AMBRA1: variants seen among roughly 807,000 people sequenced by gnomAD.
The protein encoded by AMBRA1 is activating molecule in BECN1-regulated autophagy protein 1.
A neutral mutation model predicts 125.4 loss-of-function variants in AMBRA1; 47 were observed. The ratio of observed to expected loss-of-function variants is 0.37; its 90% CI spans 0.30 to 0.48. The LOEUF is 0.48. Among genes scored for constraint, AMBRA1 ranks in the 20% least tolerant of loss-of-function variants. The pLI, the probability that AMBRA1 is intolerant of heterozygous loss-of-function variation, is 0.99. For missense variants in AMBRA1, 1,331 were observed against 1,693.4 expected, an observed-to-expected ratio of 0.79 and a Z score of 3.76; for synonymous variants, 626 against 655.5, an observed-to-expected ratio of 0.95 and a Z score of 0.69.
intron 17 of AMBRA1, 48 bp downstream of exon 17, chr11:46,408,465 G>C (rs191837315): frequency 5.6e-6 from 8 of 1,418,040 alleles, no homozygotes; most frequent in Non-Finnish European, 7.4e-6. Flanking sequence ...GCACTCACTC[G>C]GTCTTAGGGT....
chr11:46,456,558 GAA>G (rs1431429736), intron 11 of AMBRA1, among the ~76,000 whole-genome samples: 1 of 152,178 alleles, frequency 6.6e-6, no homozygotes, highest in Non-Finnish European at 1.5e-5. Context: ...AGGTGAGAGA[GAA>G]AGAAAAAGAG....
intron 1 of AMBRA1, among the ~76,000 whole-genome samples, chr11:46,573,275 C>T (rs528665417): frequency 1.8e-4 from 27 of 151,398 alleles, no homozygotes; most frequent in African/African-American, 5.8e-4. Flanking sequence ...TGTGGTGGCA[C>T]GCACCTGTAA....
At chr11:46,593,705 T>C (rs925979403) in intron 1 of AMBRA1, 123 bp downstream of exon 1, 14 of 371,414 alleles carry the variant, frequency 3.8e-5, no homozygotes, top group Non-Finnish European at 6.7e-5. Context: ...CGCAGTCCGG[T>C]AGCCCCTCCT....
rs1385982180 is a variant in AMBRA1, at chr11:46,433,636, C to G, written c.2822-8G>C. The G allele has an allele frequency of 6.2e-7, 1 of 1,610,420 alleles. No individual in the cohort carries two copies. Among genetic ancestry groups the G allele is most frequent in the Non-Finnish European group, 8.5e-7 (1 of 1,177,178 alleles). On this transcript the variant is annotated splice_region_variant and splice_polypyrimidine_tract_variant and intron_variant, in intron 13 of 17. Coordinates refer to ENST00000683756, the MANE Select transcript of AMBRA1 (RefSeq NM_001387011.1). ...CCGAAATGGCATTGGGACCTGAGGG[C>G]CAACAAAACAGAGAAATATTTCCTA...
chr11:46,493,101 C>A (rs910593058), intron 11 of AMBRA1, among the ~76,000 whole-genome samples: 6 of 152,132 alleles, frequency 3.9e-5, no homozygotes, highest in Non-Finnish European at 8.8e-5. Context: ...GCTTGCCTAG[C>A]CCATTTTCTG....
intron 1 of AMBRA1, among the ~76,000 whole-genome samples, chr11:46,572,029 G>A (rs1030214780): frequency 1.3e-5 from 2 of 152,108 alleles, no homozygotes; most frequent in African/African-American, 2.4e-5. Flanking sequence ...ACAGCCAGGC[G>A]TGGTAGCTCA....
chr11:46,418,069 A>T lies in AMBRA1; in HGVS notation c.2977-17T>A, dbSNP rs1434894315. 1 of 1,533,918 alleles carries T rather than the reference A, an allele frequency of 6.5e-7. No individual in the cohort carries two copies. The highest frequency in any genetic ancestry group is 1.8e-5 in the Admixed American group (1 of 56,686). On this transcript the variant is annotated splice_polypyrimidine_tract_variant and intron_variant, in intron 14 of 17. Transcript: ENST00000683756. ...GAAAACTCTCTAGGTAGAGGAAAAGAGGGAAAAAAAGAGAATGGGAGGAGA... is the reference window on the plus strand; with the variant it reads ...GAAAACTCTCTAGGTAGAGGAAAAGTGGGAAAAAAAGAGAATGGGAGGAGA...
At chr11:46,413,055 T>G (rs1946370383) in intron 15 of AMBRA1, among the ~76,000 whole-genome samples, 2 of 152,204 alleles carry the variant, frequency 1.3e-5, no homozygotes, top group African/African-American at 2.4e-5. Context: ...CAACAAACCA[T>G]GTACTTCCTG....
At chr11:46,545,187 T>G (rs902572028) in intron 5 of AMBRA1, among the ~76,000 whole-genome samples, 33 of 97,368 alleles carry the variant, frequency 3.4e-4, no homozygotes, top group Admixed American at 5.0e-4. Flanking sequence ...GTGGTGGGCA[T>G]GGTGGCTCAT....
At chr11:46,465,385 T>A (rs1216588100) in intron 11 of AMBRA1, among the ~76,000 whole-genome samples, 1 of 152,216 alleles carries the variant, frequency 6.6e-6, no homozygotes. Flanking sequence ...TCATCTTTTG[T>A]CCTTACCATA....
intron 16 of AMBRA1, among the ~76,000 whole-genome samples, chr11:46,409,187 T>A (rs1315385980): frequency 6.6e-6 from 1 of 152,150 alleles, no homozygotes; most frequent in African/African-American, 2.4e-5. Context: ...GAACTCCACT[T>A]TGGAAGGAAA....
intron 1 of AMBRA1, among the ~76,000 whole-genome samples, chr11:46,580,071 T>C (rs956116983): frequency 6.6e-6 from 1 of 152,218 alleles, no homozygotes; most frequent in Non-Finnish European, 1.5e-5. Context: ...TCCCATGCCT[T>C]AAACCCAATT....
At chr11:46,436,637 CAAAACA>C (rs143090334) in intron 12 of AMBRA1, among the ~76,000 whole-genome samples, 87 of 151,992 alleles carry the variant, frequency 5.7e-4, no homozygotes, top group African/African-American at 1.6e-3. Context: ...AGCCCTTTGC[CAAAACA>C]AAAACAAAAA....
chr11:46,569,440 A>AAATAT (rs1477022124), intron 1 of AMBRA1, among the ~76,000 whole-genome samples: 48 of 131,366 alleles, frequency 3.7e-4, no homozygotes, highest in Non-Finnish European at 5.4e-4. Flanking sequence ...AAAAAAAAAA[A>AAATAT]ATATATATAT....
At chr11:46,434,382 C>G (rs1210513376) in intron 13 of AMBRA1, among the ~76,000 whole-genome samples, 1 of 141,366 alleles carries the variant, frequency 7.1e-6, no homozygotes, top group Non-Finnish European at 1.5e-5. Flanking sequence ...AAAACACCCA[C>G]CCCACCCTCC....
At chr11:46,572,209 G>A (rs762785453) in intron 1 of AMBRA1, among the ~76,000 whole-genome samples, 1 of 152,096 alleles carries the variant, frequency 6.6e-6, no homozygotes, top group Non-Finnish European at 1.5e-5. Flanking sequence ...GCTAAGGCAG[G>A]AGAATCGCTT....
chr11:46,474,271 C>T (rs753692820), intron 11 of AMBRA1, among the ~76,000 whole-genome samples: 1 of 151,700 alleles, frequency 6.6e-6, no homozygotes, highest in South Asian at 2.1e-4. Flanking sequence ...TTAGAACCAC[C>T]GGAGGAAAAT....
intron 8 of AMBRA1, among the ~76,000 whole-genome samples, chr11:46,511,770 T>G (rs139552163): frequency 6.6e-6 from 1 of 152,368 alleles, no homozygotes; most frequent in African/African-American, 2.4e-5. Flanking sequence ...CCCTTGGTCC[T>G]TAGTTATCAC....
intron 11 of AMBRA1, among the ~76,000 whole-genome samples, chr11:46,452,945 CTATTT>C (rs560460609): frequency 1.3e-5 from 2 of 152,320 alleles, no homozygotes; most frequent in South Asian, 4.1e-4. Context: ...TACAATTCAC[CTATTT>C]TAAAGTATAC....
Sources: allele counts gnomAD v4.1 joint callset (sites outside exome capture counted in the v4.1 genomes callset), GRCh38; gene constraint gnomAD v4.1.1; transcripts MANE v1.5; gene names NCBI Gene and HGNC (gene_info 2026-07-23, HGNC 2026-07-21).